The following RTL4 variants were observed in gnomAD, a reference collection of about 807,000 sequenced individuals.
RTL4 encodes the protein retrotransposon Gag like 4.
Under a neutral mutation model 5.3 loss-of-function variants are expected in RTL4, and 4 were observed. The observed-to-expected ratio is 0.75, with a 90% confidence interval of 0.37 to 1.72. RTL4 has a LOEUF of 1.72. RTL4 is among the 40% of genes most tolerant of loss of function. RTL4 has a pLI of 0.04. For missense variants in RTL4, 260 were observed against 227.1 expected (o/e 1.14, Z -0.93); for synonymous variants, 98 against 87.3 (o/e 1.12, Z -0.68).
the RTL4 span, among the ~76,000 whole-genome samples, chrX:112,089,621 T>C: frequency 1.8e-5 from 2 of 111,706 alleles, no homozygotes; most frequent in African/African-American, 6.5e-5. Context: ...CTTTATGCCA[T>C]ACCACACCGT....
chrX:112,165,412 A>G, the RTL4 span, among the ~76,000 whole-genome samples: 1 of 111,635 alleles, frequency 9.0e-6, no homozygotes, highest in Non-Finnish European at 1.9e-5. Context: ...ACAGATTGAG[A>G]TGAACTGCCC....
chrX:112,373,685 A>AATATAT, the RTL4 span, among the ~76,000 whole-genome samples: 840 of 104,634 alleles, frequency 8.0e-3, 10 homozygotes, highest in African/African-American at 0.028. Context: ...TGAATTTTGA[A>AATATAT]ATATATATAT....
At chrX:112,431,734 T>A in the RTL4 span, among the ~76,000 whole-genome samples, 2 of 110,698 alleles carry the variant, frequency 1.8e-5, no homozygotes, top group Non-Finnish European at 3.8e-5. Flanking sequence ...TTTTTTTTAT[T>A]TTATTATTAT....
At chrX:112,249,819 T>C in the RTL4 span, among the ~76,000 whole-genome samples, 1 of 107,813 alleles carries the variant, frequency 9.3e-6, no homozygotes, top group Admixed American at 1.0e-4. Context: ...ATAACACATA[T>C]ATAGATAACA....
chrX:112,108,204 T>C, the RTL4 span, among the ~76,000 whole-genome samples: 1 of 112,167 alleles, frequency 8.9e-6, no homozygotes, highest in Non-Finnish European at 1.9e-5. Context: ...CACCTACTGT[T>C]TTCCTCATTT....
At chrX:112,122,319 T>C in the RTL4 span, among the ~76,000 whole-genome samples, 2 of 111,377 alleles carry the variant, frequency 1.8e-5, no homozygotes, top group Non-Finnish European at 3.8e-5. Context: ...TTAAGTGAAG[T>C]AAGCCAGGCA....
At chrX:112,429,468 A>G in the RTL4 span, among the ~76,000 whole-genome samples, 42 of 110,864 alleles carry the variant, frequency 3.8e-4, no homozygotes, top group African/African-American at 1.3e-3. Context: ...AATATTCCTA[A>G]TTCCTCCCTC....
At chrX:112,428,618 T>C in the RTL4 span, among the ~76,000 whole-genome samples, 1 of 111,843 alleles carries the variant, frequency 8.9e-6, no homozygotes, top group East Asian at 2.8e-4. Context: ...TTAAGAAGAA[T>C]GTAGATCCTG....
chrX:112,349,906 T>C, the RTL4 span, among the ~76,000 whole-genome samples: 1 of 110,224 alleles, frequency 9.1e-6, no homozygotes, highest in Admixed American at 9.7e-5. Context: ...CTATGTTAAA[T>C]AGGAGTGGTG....
At chrX:112,399,925 C>T in the RTL4 span, among the ~76,000 whole-genome samples, 12 of 111,302 alleles carry the variant, frequency 1.1e-4, no homozygotes, top group African/African-American at 3.6e-4. Context: ...TATTAAAAAG[C>T]TACTACTCTA....
the RTL4 span, among the ~76,000 whole-genome samples, chrX:112,333,771 C>T: frequency 1.8e-5 from 2 of 111,647 alleles, no homozygotes; most frequent in African/African-American, 3.3e-5. Flanking sequence ...TATCCATCCT[C>T]TCAAGCATTT....
the RTL4 span, among the ~76,000 whole-genome samples, chrX:112,394,255 A>G: frequency 2.7e-5 from 3 of 111,110 alleles, no homozygotes; most frequent in Admixed American, 1.9e-4. Flanking sequence ...TTCCTTGATT[A>G]GTACCAATAA....
At chrX:112,123,060 G>T in the RTL4 span, among the ~76,000 whole-genome samples, 1 of 111,467 alleles carries the variant, frequency 9.0e-6, no homozygotes, top group South Asian at 3.7e-4. Context: ...ACTTACAGCA[G>T]TTCAAGTTGC....
the RTL4 span, among the ~76,000 whole-genome samples, chrX:112,161,788 T>C: frequency 4.0e-5 from 3 of 75,486 alleles, no homozygotes; most frequent in East Asian, 4.1e-4. Flanking sequence ...AGGTTGCTTT[T>C]CTTCCTTCCT....
the RTL4 span, among the ~76,000 whole-genome samples, chrX:112,175,481 A>G: frequency 3.6e-5 from 4 of 109,702 alleles, no homozygotes; most frequent in Non-Finnish European, 5.7e-5. Context: ...TGGTTACTGT[A>G]GCCTTGTAGT....
the RTL4 span, among the ~76,000 whole-genome samples, chrX:112,117,206 A>G: frequency 6.3e-5 from 7 of 110,314 alleles, no homozygotes; most frequent in East Asian, 2.9e-4. Context: ...CATAATCGTT[A>G]TATGGTAAAT....
the RTL4 span, among the ~76,000 whole-genome samples, chrX:112,282,304 A>G: frequency 1.8e-5 from 2 of 111,956 alleles, no homozygotes; most frequent in African/African-American, 6.5e-5. Flanking sequence ...AAATGCATGA[A>G]TGTATATCTG....
the RTL4 span, among the ~76,000 whole-genome samples, chrX:112,170,660 G>A: frequency 9.8e-5 from 11 of 111,735 alleles, no homozygotes; most frequent in African/African-American, 3.2e-4. Context: ...AGATTATGGG[G>A]TTTTCTAGAT....
chrX:112,219,224 A>G, the RTL4 span, among the ~76,000 whole-genome samples: 1 of 112,249 alleles, frequency 8.9e-6, no homozygotes, highest in South Asian at 3.7e-4. Flanking sequence ...TATCTATGTC[A>G]CAGGATCTCA....
Sources: allele counts gnomAD v4.1 joint callset (sites outside exome capture counted in the v4.1 genomes callset), GRCh38; gene constraint gnomAD v4.1.1; transcripts MANE v1.5; gene names NCBI Gene and HGNC (gene_info 2026-07-23, HGNC 2026-07-21).